The following BIK variants were observed in gnomAD, a reference collection of about 807,000 sequenced individuals.
BIK encodes the protein bcl-2-interacting killer.
BIK carries 14 observed loss-of-function variants against 12.1 expected under a neutral mutation model. That is an observed-to-expected ratio of 1.16 (90% CI 0.77 to 1.81). BIK has a LOEUF of 1.81. BIK is among the 40% of genes most tolerant of loss of function. The probability of loss-of-function intolerance (pLI) is 0.00; values close to 1 mark genes in which losing one functional copy is unlikely to be tolerated. For synonymous variants in BIK, 86 were observed against 92.3 expected (o/e 0.93, Z 0.39); for missense variants, 215 against 207.9 (o/e 1.03, Z -0.21).
chr22:43,114,489 G>T (rs1372335259), intron 1 of BIK, among the ~76,000 whole-genome samples: 2 of 152,158 alleles, frequency 1.3e-5, no homozygotes, highest in Non-Finnish European at 2.9e-5. Flanking sequence ...TTTTAATAGA[G>T]ATGGGGTTTC....
At chr22:43,114,656 A>G (rs1930075721) in intron 1 of BIK, among the ~76,000 whole-genome samples, 1 of 152,130 alleles carries the variant, frequency 6.6e-6, no homozygotes, top group African/African-American at 2.4e-5. Context: ...GCTCCCTTTC[A>G]TGTGAGGGCA....
intron 2 of BIK, among the ~76,000 whole-genome samples, chr22:43,125,022 C>T (rs1037496346): frequency 4.6e-5 from 7 of 152,148 alleles, no homozygotes; most frequent in African/African-American, 9.7e-5. Context: ...AAGGGGTGGG[C>T]AGTTCCCGGA....
At chr22:43,115,965 C>T (rs781037779) in intron 1 of BIK, among the ~76,000 whole-genome samples, 24 of 150,684 alleles carry the variant, frequency 1.6e-4, no homozygotes, top group Non-Finnish European at 2.8e-4. Flanking sequence ...CCATGTTGAC[C>T]GGGGGGTCTT....
chr22:43,113,079 C>T (rs1930041846), intron 1 of BIK, among the ~76,000 whole-genome samples: 1 of 152,132 alleles, frequency 6.6e-6, no homozygotes. Context: ...TGGCGTGTGT[C>T]TGTAATCCCA....
chr22:43,118,024 G>T (rs1930151495), intron 1 of BIK, among the ~76,000 whole-genome samples: 3 of 152,022 alleles, frequency 2.0e-5, no homozygotes, highest in Admixed American at 6.6e-5. Context: ...TTAGAGAGGG[G>T]GTCTCGTTGT....
At chr22:43,113,060 C>T (rs531931172) in intron 1 of BIK, among the ~76,000 whole-genome samples, 35 of 151,818 alleles carry the variant, frequency 2.3e-4, no homozygotes, top group African/African-American at 4.8e-4. Context: ...AAAAATTAGC[C>T]GGTCGTGGTG....
At chr22:43,116,912 C>G (rs563950450) in intron 1 of BIK, among the ~76,000 whole-genome samples, 1 of 152,274 alleles carries the variant, frequency 6.6e-6, no homozygotes, top group Non-Finnish European at 1.5e-5. Context: ...TGCACTCCAG[C>G]CTGGGTGACA....
At chr22:43,127,936 T>C in intron 3 of BIK, 141 bp downstream of exon 3, 1 of 844,808 alleles carries the variant, frequency 1.2e-6, no homozygotes, top group Non-Finnish European at 1.8e-6. Flanking sequence ...ACTGAAACCC[T>C]TGGCTGCTTC....
At chr22:43,115,777 G>T (rs1474109048) in intron 1 of BIK, among the ~76,000 whole-genome samples, 1 of 150,560 alleles carries the variant, frequency 6.6e-6, no homozygotes, top group Non-Finnish European at 1.5e-5. Flanking sequence ...TTTTATTTTT[G>T]ATTGAGTCTT....
chr22:43,115,147 A>G (rs1930086482), intron 1 of BIK, among the ~76,000 whole-genome samples: 2 of 152,218 alleles, frequency 1.3e-5, no homozygotes, highest in South Asian at 4.1e-4. Flanking sequence ...CTGAGTGCCC[A>G]ATCCAGGTCT....
chr22:43,113,109 CAGG>C (rs1159348713), intron 1 of BIK, among the ~76,000 whole-genome samples: 1 of 152,142 alleles, frequency 6.6e-6, no homozygotes, highest in Non-Finnish European at 1.5e-5. Context: ...GAGGCTGAGG[CAGG>C]AGAACTGCTT....
chr22:43,116,336 C>T (rs1019314172), intron 1 of BIK, among the ~76,000 whole-genome samples: 31 of 152,142 alleles, frequency 2.0e-4, no homozygotes, highest in Non-Finnish European at 4.3e-4. Context: ...AGTGCAGTGG[C>T]GCAGTCACAG....
intron 1 of BIK, among the ~76,000 whole-genome samples, chr22:43,111,385 G>A (rs1299394829): frequency 6.6e-6 from 1 of 152,222 alleles, no homozygotes; most frequent in Non-Finnish European, 1.5e-5. Flanking sequence ...GCGGCGCGCA[G>A]CCGCCCGCCC....
chr22:43,128,108 C>T (rs4988436), intron 3 of BIK, among the ~76,000 whole-genome samples: 2,852 of 151,978 alleles, frequency 0.019, 75 homozygotes, highest in African/African-American at 0.059. Flanking sequence ...GGGGGTGCTA[C>T]GTGAGCTCGG....
intron 1 of BIK, among the ~76,000 whole-genome samples, chr22:43,120,843 T>G (rs1272947911): frequency 6.6e-6 from 1 of 152,208 alleles, no homozygotes. Context: ...AGAGGCCAGA[T>G]GGTTAAAGGT....
intron 1 of BIK, among the ~76,000 whole-genome samples, chr22:43,123,502 A>T (rs1930255526): frequency 6.6e-6 from 1 of 152,184 alleles, no homozygotes; most frequent in Non-Finnish European, 1.5e-5. Context: ...TCGTCCCAGC[A>T]CTTTGGGAGG....
chr22:43,125,644 C>T lies in BIK; in HGVS notation c.161+1461C>T, dbSNP rs116997204. Among the ~76,000 whole-genome samples the T allele has an allele frequency of 1.4e-3, 220 of 152,134 alleles. 4 individuals are homozygous for T. The East Asian group carries it at 0.039, about 27-fold the overall frequency. ...CTGAGGCAGGAAAATCACTTGAACC[C>T]GGGACGTGGAGGTTGCAGTGAGCCC... is the stretch of plus-strand genomic sequence containing the variant. On this transcript the variant is annotated intron_variant, in intron 2 of 4. Coordinates refer to ENST00000216115, the MANE Select transcript of BIK (RefSeq NM_001197.5).
At chr22:43,111,349 G>A (rs1217839757) in intron 1 of BIK, among the ~76,000 whole-genome samples, 2 of 152,230 alleles carry the variant, frequency 1.3e-5, no homozygotes, top group Non-Finnish European at 2.9e-5. Context: ...CGCCCAGAAA[G>A]TCCGGAACAG....
intron 1 of BIK, among the ~76,000 whole-genome samples, chr22:43,118,353 C>A (rs1243368245): frequency 4.6e-5 from 7 of 152,188 alleles, no homozygotes; most frequent in Non-Finnish European, 1.0e-4. Flanking sequence ...TTTTATGGAG[C>A]CCCTGCTAGG....
Sources: allele counts gnomAD v4.1 joint callset (sites outside exome capture counted in the v4.1 genomes callset), GRCh38; gene constraint gnomAD v4.1.1; transcripts MANE v1.5; gene names NCBI Gene and HGNC (gene_info 2026-07-23, HGNC 2026-07-21).